Variants in SUPT16H observed in about 807,000 individuals in gnomAD.
SUPT16H encodes SPT16 homolog, facilitates chromatin remodeling subunit.
Under a neutral mutation model 136.2 loss-of-function variants are expected in SUPT16H, and 24 were observed. The observed-to-expected ratio is 0.18, with a 90% CI of 0.13 to 0.25. The LOEUF is 0.25. Among genes scored for constraint, SUPT16H ranks in the 10% least tolerant of loss-of-function variants. SUPT16H has a pLI of 1.00. For missense variants in SUPT16H, 623 were observed against 1,270.2 expected, an observed-to-expected ratio of 0.49 and a Z score of 7.74; for synonymous variants, 415 against 428.2, an observed-to-expected ratio of 0.97 and a Z score of 0.38.
At chr14:21,372,318 T>C (rs1886804286) in intron 2 of SUPT16H, 1 of 381,290 alleles carries the variant, frequency 2.6e-6, no homozygotes. Context: ...AGTTAAACGA[T>C]TTGTGTTTAT....
chr14:21,357,103 T>G, intron 22 of SUPT16H, 94 bp downstream of exon 22: 1 of 1,270,106 alleles, frequency 7.9e-7, no homozygotes, highest in Non-Finnish European at 1.0e-6. Flanking sequence ...TCACTTTAAG[T>G]ATATCAGTAG....
At chr14:21,361,314 T>A in intron 15 of SUPT16H, 101 bp from the exon 16 acceptor site, 1 of 880,180 alleles carries the variant, frequency 1.1e-6, no homozygotes, top group Non-Finnish European at 1.6e-6. Flanking sequence ...TACTTTGCTT[T>A]TTTTTTTTTT....
In SUPT16H at chr14:21,366,512, C is replaced by A. The variant is rs201123027; in HGVS notation, c.973G>T (p.Val325Leu). Residue 325 changes from valine (V) to leucine (L), a missense_variant, in exon 8 of 26, where the codon GTG becomes TTG. Physicochemically the swap from Val to Leu is conservative, Grantham distance 32 (BLOSUM62 1). This residue lies in a region of SUPT16H where 343 missense variants were observed against 525.7 expected (regional missense o/e 0.65). Transcript: ENST00000216297. ...ELRHGVKICD[V>L]YNAVMDVVKK... is the part of the protein sequence containing the mutation. ...ACCACGTCCATGACAGCGTTATACA[C>A]GTCACATATCTTCACACCTAATAAC... is the stretch of plus-strand genomic sequence containing the variant. The A allele has an allele frequency of 2.2e-5, 35 of 1,613,896 alleles. No homozygotes were observed. The highest frequency in any genetic ancestry group is 1.7e-4 in the Middle Eastern group (1 of 6,060).
At position 21,351,816 on chromosome 14, in the gene SUPT16H, CTCTTT is replaced by C. The variant is rs1400807493; in HGVS notation, c.*852_*856del. The C allele has an allele frequency of 6.5e-6, 1 of 152,938 alleles. No homozygotes were observed. The highest frequency in any genetic ancestry group is 2.4e-5 in the African/African-American group (1 of 41,464). 9.5% of individuals were successfully genotyped at this position (152,938 alleles called of 1,614,324 possible). A position where few individuals can be genotyped will look rare whatever the true frequency, so the allele number is the denominator to read the frequency against. ...TGTAGATATGGCCTCCCTTCCTCTT[CTCTTT>C]TCTCATCAGGGTATTCTAGGCCCAA... On this transcript the variant is annotated 3_prime_UTR_variant, in exon 26 of 26. Coordinates refer to ENST00000216297, the MANE Select transcript of SUPT16H (RefSeq NM_007192.4).
At position 21,366,707 on chromosome 14, in the gene SUPT16H, T is replaced by C. The variant is rs540566853; in HGVS notation, c.956-178A>G. Among the ~76,000 whole-genome samples the C allele has an allele frequency of 2.0e-5, 3 of 151,298 alleles. No individual in the cohort carries two copies. The South Asian group carries it at 6.3e-4, about 32-fold the overall frequency. On this transcript the variant is annotated intron_variant, in intron 7 of 25. Transcript: ENST00000216297. ...CTCTGTCACTCAGGCTGGAGTGCAG[T>C]AGCATGATTACGGATCACTGCAGCC...
intron 1 of SUPT16H, among the ~76,000 whole-genome samples, chr14:21,377,076 G>GAAAAAAAAAAAAA (rs11323425): frequency 3.6e-5 from 4 of 110,784 alleles, no homozygotes; most frequent in Admixed American, 9.8e-5. Flanking sequence ...GAAAGAAAAA[G>GAAAAAAAAAAAAA]AAAAAAAAAA....
intron 8 of SUPT16H, among the ~76,000 whole-genome samples, chr14:21,365,721 T>G (rs1886650379): frequency 6.6e-6 from 1 of 152,040 alleles, no homozygotes; most frequent in African/African-American, 2.4e-5. Flanking sequence ...TTGAGAAATG[T>G]ATAAAATACA....
chr14:21,371,978 T>C lies in SUPT16H; in HGVS notation c.226A>G (p.Met76Val). Residue 76 changes from methionine to valine, a missense_variant, in exon 3 of 26, where the codon ATG becomes GTG. Physicochemically the swap from Met to Val is conservative, Grantham distance 21. Coordinates refer to ENST00000216297, the MANE Select transcript of SUPT16H (RefSeq NM_007192.4). Reference sequence around the variant, plus strand: ...AACTCCACTTTTTTCTTGCTGGCCATAAAGATGATTTTGTCATCACAAAAG... The same window carrying C: ...AACTCCACTTTTTTCTTGCTGGCCACAAAGATGATTTTGTCATCACAAAAG... ...MVFCDDKIIF[M>V]ASKKKVEFLK... 6.2e-7 allele frequency: 1 copy of C among 1,614,076 alleles called. No homozygotes were observed. Among genetic ancestry groups the C allele is most frequent in the Non-Finnish European group, 8.5e-7 (1 of 1,180,000 alleles).
chr14:21,366,949 C>G (rs1330558556), intron 7 of SUPT16H, among the ~76,000 whole-genome samples: 3 of 146,850 alleles, frequency 2.0e-5, no homozygotes, highest in Non-Finnish European at 3.0e-5. Context: ...TGGCCCCATT[C>G]TTTTTTTTTT....
At chr14:21,357,878 T>C (rs543026177) in intron 21 of SUPT16H, 49 bp downstream of exon 21, 1 of 1,552,622 alleles carries the variant, frequency 6.4e-7, no homozygotes, top group South Asian at 1.1e-5. Flanking sequence ...CTATCCTTCT[T>C]TATTTTCTCT....
intron 2 of SUPT16H, 49 bp from the exon 3 acceptor site, chr14:21,372,093 A>C: frequency 6.4e-7 from 1 of 1,558,310 alleles, no homozygotes; most frequent in Non-Finnish European, 8.7e-7. Context: ...TACAAAAATT[A>C]ATGGACTCAT....
chr14:21,364,517 A>G (rs1322906799), intron 10 of SUPT16H, among the ~76,000 whole-genome samples: 1 of 152,270 alleles, frequency 6.6e-6, no homozygotes, highest in Non-Finnish European at 1.5e-5. Flanking sequence ...TGAATTGTAT[A>G]GTATGTGAAT....
chr14:21,358,436 G>A lies in SUPT16H; in HGVS notation c.2302-9C>T, dbSNP rs1886480357. 6.3e-7 allele frequency: 1 copy of A among 1,587,380 alleles called. No homozygotes were observed. The highest frequency in any genetic ancestry group is 8.6e-7 in the Non-Finnish European group (1 of 1,160,282). On this transcript the variant is annotated splice_polypyrimidine_tract_variant and intron_variant, in intron 19 of 25. Transcript: ENST00000216297. Reference sequence around the variant, plus strand: ...CTCATTTCTCGTTCCATCTGTAGAAGAAAAAAATATCAAATACAGCCATCA... The same window carrying A: ...CTCATTTCTCGTTCCATCTGTAGAAAAAAAAAATATCAAATACAGCCATCA...
chr14:21,363,825 C>G (rs1057307438), intron 10 of SUPT16H, among the ~76,000 whole-genome samples: 3 of 152,006 alleles, frequency 2.0e-5, no homozygotes, highest in Non-Finnish European at 4.4e-5. Context: ...ATTACAGACG[C>G]GCACCACCAC....
intron 25 of SUPT16H, 103 bp downstream of exon 25, chr14:21,353,381 CTTTT>C (rs1210744963): frequency 2.3e-5 from 26 of 1,134,680 alleles, no homozygotes; most frequent in Non-Finnish European, 2.9e-5. Flanking sequence ...TTATAGTGTT[CTTTT>C]GTTACTTTCA....
At chr14:21,369,668 G>A (rs1886745018) in intron 5 of SUPT16H, 82 bp downstream of exon 5, 39 of 1,549,992 alleles carry the variant, frequency 2.5e-5, no homozygotes, top group Non-Finnish European at 3.4e-5. Context: ...AAAGGAAGCT[G>A]AAGAACACAC....
At chr14:21,377,701 G>A (rs1886934103) in intron 1 of SUPT16H, among the ~76,000 whole-genome samples, 1 of 151,742 alleles carries the variant, frequency 6.6e-6, no homozygotes, top group African/African-American at 2.4e-5. Context: ...TCAGCTCACT[G>A]TGGCCTCTGC....
At chr14:21,355,513 T>TAAAAAAAAA (rs59639210) in intron 22 of SUPT16H, among the ~76,000 whole-genome samples, 19 of 113,492 alleles carry the variant, frequency 1.7e-4, no homozygotes, top group African/African-American at 2.3e-4. Flanking sequence ...ATAATAATAA[T>TAAAAAAAAA]AAAAAAAAAA....
chr14:21,376,697 C>G (rs1886909412), intron 1 of SUPT16H, among the ~76,000 whole-genome samples: 1 of 152,056 alleles, frequency 6.6e-6, no homozygotes, highest in South Asian at 2.1e-4. Context: ...CATTACTACA[C>G]ACTCAGGAAA....
Sources: gnomAD v4.1 joint callset for allele counts (sites outside exome capture counted in the v4.1 genomes callset) on GRCh38, gnomAD v4.1.1 for gene constraint, gnomAD v4.1.1 regional missense constraint, MANE v1.5 for transcripts, NCBI Gene and HGNC (gene_info 2026-07-23, HGNC 2026-07-21) for gene names.